The following SLC23A2 variants were observed in gnomAD, a reference collection of about 807,000 sequenced individuals.
SLC23A2 encodes Na(+)/L-ascorbic acid transporter 2.
In SLC23A2, 36 loss-of-function variants were observed where a neutral mutation model predicts 73.3. The ratio of observed to expected loss-of-function variants is 0.49; its 90% CI spans 0.38 to 0.65. The LOEUF (loss-of-function observed/expected upper bound fraction) is 0.65, where lower values mean the gene tolerates loss of function less well. SLC23A2 is among the 30% of genes least tolerant of loss of function. The probability of loss-of-function intolerance (pLI) is 0.00; values close to 1 mark genes in which losing one functional copy is unlikely to be tolerated. For synonymous variants in SLC23A2, 343 were observed against 327.3 expected, an observed-to-expected ratio of 1.05 and a Z score of -0.52; for missense variants, 507 against 841.6, an observed-to-expected ratio of 0.60 and a Z score of 4.92.
intron 1 of SLC23A2, among the ~76,000 whole-genome samples, chr20:4,989,838 A>G (rs188073727): frequency 6.6e-6 from 1 of 152,300 alleles, no homozygotes; most frequent in East Asian, 1.9e-4. Flanking sequence ...CCTATCTAAG[A>G]AACTCAAGAG....
At chr20:4,878,271 C>T (rs1243760925) in intron 9 of SLC23A2, among the ~76,000 whole-genome samples, 1 of 152,136 alleles carries the variant, frequency 6.6e-6, no homozygotes, top group Non-Finnish European at 1.5e-5. Flanking sequence ...ATTGCAACCT[C>T]CACCTCGTGG....
intron 2 of SLC23A2, among the ~76,000 whole-genome samples, chr20:4,941,108 A>G (rs2087033574): frequency 6.6e-6 from 1 of 151,968 alleles, no homozygotes; most frequent in South Asian, 2.1e-4. Context: ...GTAAGCCGAG[A>G]TTGCACCACT....
In SLC23A2 at chr20:4,857,070, A is replaced by G; in HGVS notation, c.1855T>C (p.Leu619=). ...IIKKYRCFSY[L]PISPTFVGYT... Reference sequence around the variant, plus strand: ...CCCACAAAGGTTGGGCTGATGGGTAAGTAGCTGAAGCATCTGTATTTTTTT... The same window carrying G: ...CCCACAAAGGTTGGGCTGATGGGTAGGTAGCTGAAGCATCTGTATTTTTTT... Residue 619 remains leucine (L), a synonymous_variant, in exon 17 of 17, where the codon TTA becomes CTA. Coordinates refer to ENST00000338244, the MANE Select transcript of SLC23A2 (RefSeq NM_005116.6). This position sits in a 1 kb window ranked among gnomAD's most constrained non-coding sequence, Gnocchi z 4.0. The G allele has an allele frequency of 6.2e-7, 1 of 1,614,124 alleles. No individual in the cohort carries two copies. Among genetic ancestry groups the G allele is most frequent in the Non-Finnish European group, 8.5e-7 (1 of 1,179,952 alleles).
intron 5 of SLC23A2, among the ~76,000 whole-genome samples, chr20:4,901,788 G>A (rs1931754818): frequency 6.6e-6 from 1 of 152,144 alleles, no homozygotes; most frequent in African/African-American, 2.4e-5. Flanking sequence ...CCATGATTGT[G>A]GGTGGGTTAA....
rs1264900505 is a variant in SLC23A2, at chr20:4,857,615, C to T, written c.1721-411G>A. 2.0e-5 allele frequency among the ~76,000 whole-genome samples: 3 copies of T among 152,128 alleles called. No homozygotes were observed. In the East Asian group the frequency reaches 5.8e-4, roughly 29 times the overall value. The stretch of plus-strand genomic sequence containing the variant: ...TACCTAGTCTTCTGGCTCATCACCT[C>T]CTGCCCCAGGTCTGCTCAAAAACTA... On this transcript the variant is annotated intron_variant, in intron 16 of 16. Transcript: ENST00000338244. This position sits in a 1 kb window ranked among gnomAD's most constrained non-coding sequence, Gnocchi z 4.0.
In SLC23A2 at chr20:4,859,390, A is replaced by ATTT; in HGVS notation, c.1625-7_1625-6insAAA. 1 of 1,590,440 alleles carries ATTT rather than the reference A, an allele frequency of 6.3e-7. No individual in the cohort carries two copies. The highest frequency in any genetic ancestry group is 8.6e-7 in the Non-Finnish European group (1 of 1,158,428). On this transcript the variant is annotated splice_region_variant and splice_polypyrimidine_tract_variant and intron_variant, in intron 15 of 16. Transcript: ENST00000338244. ...TTGATCGATTCCTGTTATCCCTAGA[A>ATTT]AGAGAACACAGCCATAAACGATCAG... is the stretch of plus-strand genomic sequence containing the variant.
At chr20:4,880,060 G>A (rs996791965) in intron 9 of SLC23A2, among the ~76,000 whole-genome samples, 10 of 152,146 alleles carry the variant, frequency 6.6e-5, no homozygotes, top group African/African-American at 9.7e-5. Flanking sequence ...AGAATGTGCC[G>A]CAATACATCC....
chr20:4,936,956 C>G (rs2086970295), intron 2 of SLC23A2, among the ~76,000 whole-genome samples: 1 of 152,088 alleles, frequency 6.6e-6, no homozygotes. Context: ...AAGAGGACTG[C>G]AGGGCTCAGG....
chr20:4,892,221 A>C (rs56275369), intron 6 of SLC23A2, among the ~76,000 whole-genome samples: 7,306 of 152,086 alleles, frequency 0.048, 252 homozygotes, highest in Non-Finnish European at 0.067. Context: ...AGCCAAGGTC[A>C]TCACCTCCAC....
chr20:4,996,498 C>T (rs996101024), intron 1 of SLC23A2, among the ~76,000 whole-genome samples: 7 of 151,760 alleles, frequency 4.6e-5, no homozygotes, highest in African/African-American at 9.7e-5. Flanking sequence ...CCAGGCTGGC[C>T]AACATGGTGA....
intron 1 of SLC23A2, among the ~76,000 whole-genome samples, chr20:4,993,480 T>C (rs2087965845): frequency 6.7e-6 from 1 of 148,234 alleles, no homozygotes; most frequent in Non-Finnish European, 1.5e-5. Flanking sequence ...TCGGAGAAGG[T>C]ATATTCAACC....
upstream of SLC23A2, among the ~76,000 whole-genome samples, chr20:5,005,267 C>G (rs928595093): frequency 6.6e-6 from 1 of 151,894 alleles, no homozygotes; most frequent in Non-Finnish European, 1.5e-5. Context: ...TGTTCGATAT[C>G]ATTATTTTTA....
intron 2 of SLC23A2, among the ~76,000 whole-genome samples, chr20:4,966,250 G>T (rs1265410160): frequency 6.6e-6 from 1 of 152,120 alleles, no homozygotes; most frequent in Non-Finnish European, 1.5e-5. Context: ...TGAGGAAGGG[G>T]AAGCTTTAGT....
intron 1 of SLC23A2, among the ~76,000 whole-genome samples, chr20:4,996,605 G>A (rs2088023938): frequency 7.0e-6 from 1 of 142,224 alleles, no homozygotes; most frequent in Admixed American, 7.4e-5. Flanking sequence ...AGAATCCCTT[G>A]AACCCGGGAG....
chr20:4,915,821 G>A (rs1361072509), intron 3 of SLC23A2, among the ~76,000 whole-genome samples: 2 of 152,072 alleles, frequency 1.3e-5, no homozygotes, highest in Non-Finnish European at 2.9e-5. Flanking sequence ...GGTGATGGGC[G>A]CCTCTAATCC....
intron 1 of SLC23A2, among the ~76,000 whole-genome samples, chr20:4,980,963 T>C (rs1017973150): frequency 3.3e-5 from 5 of 152,236 alleles, no homozygotes; most frequent in African/African-American, 1.2e-4. Context: ...TCCCGATATT[T>C]TTCCACTAAT....
intron 2 of SLC23A2, among the ~76,000 whole-genome samples, chr20:4,938,030 CTTTTTTTT>C (rs372042944): frequency 4.0e-4 from 56 of 138,274 alleles, no homozygotes; most frequent in Middle Eastern, 7.7e-3. Flanking sequence ...CTCATTCCAT[CTTTTTTTT>C]TTTTTTTTTT....
rs373551211 is a variant in SLC23A2, at chr20:4,883,794, C to T, written c.672G>A (p.Leu224=). Residue 224 remains leucine (L), a synonymous_variant, in exon 9 of 17, where the codon CTG becomes CTA. Coordinates refer to ENST00000338244, the MANE Select transcript of SLC23A2 (RefSeq NM_005116.6). The surrounding 1 kb of genome is among the most constrained non-coding windows in gnomAD (Gnocchi z 4.5). ...EIQGAIIMSS[L]IEVVIGLLGL... ...CGAGGAGGCCGATGACTACTTCTAT[C>T]AGTGAGGACATGATGATGGCCCCCT... 4 of 1,612,530 alleles carry T rather than the reference C, an allele frequency of 2.5e-6. No homozygotes were observed. In the African/African-American group the frequency reaches 5.3e-5, roughly 22 times the overall value.
chr20:4,936,309 G>A (rs1368905596), intron 2 of SLC23A2, among the ~76,000 whole-genome samples: 2 of 152,162 alleles, frequency 1.3e-5, no homozygotes, highest in Admixed American at 1.3e-4. Context: ...CGGGCAAATA[G>A]GATAGTGAAA....
Sources: gnomAD v4.1 joint callset for allele counts (sites outside exome capture counted in the v4.1 genomes callset) on GRCh38, gnomAD v4.1.1 for gene constraint, Gnocchi (gnomAD v3.1) non-coding constraint, MANE v1.5 for transcripts, NCBI Gene and HGNC (gene_info 2026-07-23, HGNC 2026-07-21) for gene names.